KPNA7: variants seen among roughly 807,000 people sequenced by gnomAD.
KPNA7 encodes importin subunit alpha-8.
A neutral mutation model predicts 53.7 loss-of-function variants in KPNA7; 54 were observed. The observed-to-expected ratio is 1.01, with a 90% CI of 0.81 to 1.26. The LOEUF is 1.26. Ranked by LOEUF, KPNA7 falls within the 50% of genes most tolerant of loss-of-function variation. The pLI, the probability that KPNA7 is intolerant of heterozygous loss-of-function variation, is 0.00. For synonymous variants in KPNA7, 276 were observed against 259.3 expected (o/e 1.06, Z -0.62); for missense variants, 640 against 644.5 (o/e 0.99, Z 0.07).
At chr7:99,154,535 T>C in the KPNA7 span, among the ~76,000 whole-genome samples, 3 of 151,662 alleles carry the variant, frequency 2.0e-5, no homozygotes, top group African/African-American at 7.3e-5. Flanking sequence ...TAGGTCTTTT[T>C]TTTTTTTTTC....
At chr7:99,184,255 A>G (rs1025016736) in intron 8 of KPNA7, among the ~76,000 whole-genome samples, 1 of 150,634 alleles carries the variant, frequency 6.6e-6, no homozygotes, top group Non-Finnish European at 1.5e-5. Flanking sequence ...CCCGGGCTCA[A>G]TTGATCCTCC....
chr7:99,212,232 CCTTT>C (rs1296013702), upstream of KPNA7, among the ~76,000 whole-genome samples: 4 of 118,298 alleles, frequency 3.4e-5, no homozygotes, highest in Admixed American at 2.1e-4. Flanking sequence ...CCACATGTGT[CCTTT>C]TTTTTTTTTT....
At chr7:99,178,231 A>G (rs1798995009) in intron 9 of KPNA7, among the ~76,000 whole-genome samples, 165 bp from the exon 10 acceptor site, 1 of 152,136 alleles carries the variant, frequency 6.6e-6, no homozygotes, top group Admixed American at 6.6e-5. Flanking sequence ...TGAAAATTAC[A>G]TGATCTTCCT....
chr7:99,174,204 A>G (rs1584254494), intron 10 of KPNA7, among the ~76,000 whole-genome samples: 1 of 152,020 alleles, frequency 6.6e-6, no homozygotes, highest in Non-Finnish European at 1.5e-5. Flanking sequence ...CACAAACCCT[A>G]TTGTGAACTG....
chr7:99,202,148 C>T (rs1365948961), intron 3 of KPNA7, among the ~76,000 whole-genome samples: 1 of 152,068 alleles, frequency 6.6e-6, no homozygotes, highest in Non-Finnish European at 1.5e-5. Flanking sequence ...TGAATGGGAA[C>T]ACATCATTGG....
At chr7:99,217,236 A>C (rs1791239102) in intron 1 of KPNA7, among the ~76,000 whole-genome samples, 1 of 152,196 alleles carries the variant, frequency 6.6e-6, no homozygotes. Flanking sequence ...GCCCGGCTGC[A>C]GCTGCACAGG....
intron 7 of KPNA7, 118 bp downstream of exon 7, chr7:99,188,174 CAAAAAAAA>C (rs59219718): frequency 5.1e-5 from 20 of 391,200 alleles, no homozygotes; most frequent in Admixed American, 2.0e-4. Context: ...GACTCTGTCT[CAAAAAAAA>C]AAAAAAAAAA....
At chr7:99,160,320 C>G in the KPNA7 span, among the ~76,000 whole-genome samples, 1 of 152,078 alleles carries the variant, frequency 6.6e-6, no homozygotes, top group Admixed American at 6.6e-5. Context: ...GCCACGCACC[C>G]GGCCTCTCCT....
chr7:99,160,774 A>G, the KPNA7 span, among the ~76,000 whole-genome samples: 3 of 152,130 alleles, frequency 2.0e-5, no homozygotes, highest in African/African-American at 7.2e-5. Flanking sequence ...CCAGCCTCCA[A>G]GATGGTTCCC....
At chr7:99,210,698 C>T (rs1010335252), upstream of KPNA7, among the ~76,000 whole-genome samples, 4 of 152,050 alleles carry the variant, frequency 2.6e-5, no homozygotes, top group Non-Finnish European at 4.4e-5. Context: ...AAGTGATCCT[C>T]CTGCCTCAGC....
At chr7:99,165,943 T>TC in the KPNA7 span, among the ~76,000 whole-genome samples, 1 of 152,052 alleles carries the variant, frequency 6.6e-6, no homozygotes, top group Admixed American at 6.6e-5. Context: ...GAGGCAGATT[T>TC]CCCCCTTGCT....
intron 1 of KPNA7, among the ~76,000 whole-genome samples, chr7:99,216,709 G>A (rs1230647778): frequency 2.0e-5 from 3 of 152,146 alleles, no homozygotes; most frequent in African/African-American, 4.8e-5. Flanking sequence ...TTACGGGCAT[G>A]CGCCACCATG....
At chr7:99,185,785 G>A (rs1193029026) in intron 7 of KPNA7, among the ~76,000 whole-genome samples, 1 of 148,848 alleles carries the variant, frequency 6.7e-6, no homozygotes, top group African/African-American at 2.5e-5. Context: ...ATTGACGATA[G>A]TGTTTTGTTT....
At chr7:99,203,043 C>T in intron 3 of KPNA7, 63 bp downstream of exon 3, 1 of 1,509,322 alleles carries the variant, frequency 6.6e-7, no homozygotes, top group Non-Finnish European at 9.0e-7. Flanking sequence ...AAATATTATC[C>T]AGCCAGAGAC....
chr7:99,195,123 G>A lies in KPNA7; in HGVS notation c.500C>T (p.Ser167Phe), dbSNP rs1442446579. ...CTGTTCACACACAGCCACGTTGGAG[G>A]AAGACAGGAGCTCAATCAAGGGCTG... ...AIQPLIELLS[S>F]SNVAVCEQAV... is the part of the protein sequence containing the mutation. Residue 167 changes from serine to phenylalanine, a missense_variant, in exon 5 of 11, where the codon TCC (serine) becomes TTC (phenylalanine). Coordinates refer to ENST00000327442, the MANE Select transcript of KPNA7 (RefSeq NM_001145715.3). The A allele has an allele frequency of 5.8e-6, 9 of 1,551,506 alleles. No individual in the cohort carries two copies. Among genetic ancestry groups the A allele is most frequent in the Non-Finnish European group, 7.8e-6 (9 of 1,147,000 alleles).
chr7:99,169,645 C>T (rs1798735628), downstream of KPNA7, among the ~76,000 whole-genome samples: 9 of 151,700 alleles, frequency 5.9e-5, no homozygotes. Flanking sequence ...TGACCTTGTT[C>T]CTGTGCCCTG....
At chr7:99,175,948 A>C (rs1028434299) in intron 10 of KPNA7, among the ~76,000 whole-genome samples, 7 of 151,824 alleles carry the variant, frequency 4.6e-5, no homozygotes, top group Non-Finnish European at 1.0e-4. Context: ...CACTCTGTAA[A>C]CTCCTAGCCC....
Position 99,188,465 on chromosome 7 carries a change from G to A in KPNA7, c.735C>T (p.Ala245=), listed in dbSNP as rs2150734985. ...CCTGGTGCTGCAGGAGGTGAAGGAG[G>A]GCCGGCAGTATCTGCTTCACCGCAG... ...CDTAVKQILP[A]LLHLLQHQDS... The change falls in exon 7 of 11, where the codon GCC becomes GCT. Residue 245 remains alanine, a synonymous_variant. Coordinates refer to ENST00000327442, the MANE Select transcript of KPNA7 (RefSeq NM_001145715.3). 2 of 1,551,692 alleles carry A rather than the reference G, an allele frequency of 1.3e-6. No individual in the cohort carries two copies. The highest frequency in any genetic ancestry group is 1.4e-5 in the African/African-American group (1 of 73,150).
chr7:99,175,234 G>A (rs12113535), intron 10 of KPNA7, among the ~76,000 whole-genome samples: 3,579 of 152,116 alleles, frequency 0.024, 135 homozygotes, highest in African/African-American at 0.079. Context: ...AGACAGTCTC[G>A]TGCTATTGCC....
Sources: gnomAD v4.1 joint callset for allele counts (sites outside exome capture counted in the v4.1 genomes callset) on GRCh38, gnomAD v4.1.1 for gene constraint, MANE v1.5 for transcripts, NCBI Gene and HGNC (gene_info 2026-07-23, HGNC 2026-07-21) for gene names.